The following AUTS2 variants were observed in gnomAD, a reference collection of about 807,000 sequenced individuals.
AUTS2 encodes the protein activator of transcription and developmental regulator AUTS2.
A neutral mutation model predicts 112.4 loss-of-function variants in AUTS2; 17 were observed. The observed-to-expected ratio is 0.15, with a 90% CI of 0.10 to 0.23. AUTS2 has a LOEUF of 0.23. AUTS2 is among the 10% of genes least tolerant of loss of function. The probability of loss-of-function intolerance (pLI) is 1.00; values close to 1 mark genes in which losing one functional copy is unlikely to be tolerated. For missense variants in AUTS2, 1,510 were observed against 1,701.6 expected (o/e 0.89, Z 1.98); for synonymous variants, 751 against 702.7 (o/e 1.07, Z -1.09).
chr7:70,372,589 A>G (rs1792886476), intron 4 of AUTS2, among the ~76,000 whole-genome samples: 1 of 151,988 alleles, frequency 6.6e-6, no homozygotes, highest in Non-Finnish European at 1.5e-5. Flanking sequence ...CCATCTGGCT[A>G]GCCGTCAGAT....
At chr7:70,513,296 G>A (rs1799276559) in intron 5 of AUTS2, among the ~76,000 whole-genome samples, 1 of 152,136 alleles carries the variant, frequency 6.6e-6, no homozygotes, top group South Asian at 2.1e-4. Flanking sequence ...AACCAAAGTG[G>A]CTATTTCTGA....
At chr7:70,026,405 G>T (rs971426735) in intron 2 of AUTS2, among the ~76,000 whole-genome samples, 2 of 152,130 alleles carry the variant, frequency 1.3e-5, no homozygotes, top group African/African-American at 4.8e-5. Flanking sequence ...CCTCTCTGGA[G>T]GTTGGCTCCT....
intron 4 of AUTS2, among the ~76,000 whole-genome samples, chr7:70,396,321 T>C (rs769672473): frequency 8.5e-5 from 13 of 152,198 alleles, no homozygotes; most frequent in Non-Finnish European, 1.6e-4. Flanking sequence ...TATATAACTG[T>C]AATCTTATAG....
intron 4 of AUTS2, among the ~76,000 whole-genome samples, chr7:70,221,355 TTTC>T (rs1240549925): frequency 6.6e-6 from 1 of 152,260 alleles, no homozygotes; most frequent in East Asian, 1.9e-4. Context: ...GCTTATAGTT[TTTC>T]TTCTTTTGGT....
chr7:70,120,400 G>C (rs1210795412), intron 3 of AUTS2: 1 of 152,132 alleles, frequency 6.6e-6, no homozygotes, highest in African/African-American at 2.4e-5. Context: ...CTGTGTGTAA[G>C]AATATGTTTT....
intron 2 of AUTS2, among the ~76,000 whole-genome samples, chr7:70,107,764 A>G (rs1346867745): frequency 6.6e-6 from 1 of 150,864 alleles, no homozygotes; most frequent in East Asian, 2.0e-4. Context: ...CTGTAATCCC[A>G]GCACTTTGGG....
chr7:70,711,512 A>G (rs1202540144), intron 6 of AUTS2, among the ~76,000 whole-genome samples: 1 of 152,166 alleles, frequency 6.6e-6, no homozygotes, highest in Non-Finnish European at 1.5e-5. Flanking sequence ...ACAAACAAAT[A>G]ATTGGGTGAA....
intron 4 of AUTS2, among the ~76,000 whole-genome samples, chr7:70,341,995 G>A (rs1392893882): frequency 6.6e-6 from 1 of 152,186 alleles, no homozygotes; most frequent in African/African-American, 2.4e-5. Context: ...CTGCCTCTCT[G>A]GAGGGCATGA....
intron 2 of AUTS2, among the ~76,000 whole-genome samples, chr7:70,029,451 A>G (rs1017099056): frequency 4.6e-5 from 7 of 151,880 alleles, no homozygotes; most frequent in African/African-American, 1.7e-4. Flanking sequence ...ATGGTATTTT[A>G]TTGAAACTTA....
At chr7:70,536,572 CTTTTTTTTTTTT>C (rs34639179) in intron 5 of AUTS2, among the ~76,000 whole-genome samples, 1 of 49,048 alleles carries the variant, frequency 2.0e-5, no homozygotes, top group African/African-American at 8.7e-5. Context: ...GAAGCCAAGG[CTTTTTTTTTTTT>C]TTTTTTTTTT....
At chr7:69,903,698 A>C (rs770641681) in intron 2 of AUTS2, among the ~76,000 whole-genome samples, 2 of 152,236 alleles carry the variant, frequency 1.3e-5, no homozygotes, top group African/African-American at 4.8e-5. Flanking sequence ...ATCTTAGGGC[A>C]GAATTTCCTA....
chr7:69,774,894 G>A (rs1788826477), intron 1 of AUTS2, among the ~76,000 whole-genome samples: 3 of 152,038 alleles, frequency 2.0e-5, no homozygotes, highest in Admixed American at 1.3e-4. Context: ...ATCTCCAGAG[G>A]AACCTAGGCT....
intron 1 of AUTS2, among the ~76,000 whole-genome samples, chr7:69,867,120 T>C (rs1793271321): frequency 6.6e-6 from 1 of 152,136 alleles, no homozygotes; most frequent in African/African-American, 2.4e-5. Flanking sequence ...GCAGTGAGAA[T>C]TGTGTAGACT....
chr7:70,069,718 T>TC (rs1188840587), intron 2 of AUTS2, among the ~76,000 whole-genome samples: 11 of 151,480 alleles, frequency 7.3e-5, no homozygotes, highest in African/African-American at 2.2e-4. Context: ...GTTTTTTTTT[T>TC]TTTCCTGTCC....
chr7:69,731,378 A>C (rs1786784067), intron 1 of AUTS2, among the ~76,000 whole-genome samples: 1 of 152,146 alleles, frequency 6.6e-6, no homozygotes, highest in Admixed American at 6.5e-5. Context: ...CACTTAAGTG[A>C]TTTGGGGTGA....
chr7:70,169,936 T>G (rs1200721598), intron 4 of AUTS2, among the ~76,000 whole-genome samples: 1 of 152,136 alleles, frequency 6.6e-6, no homozygotes, highest in Non-Finnish European at 1.5e-5. Context: ...ATTTGCTGCT[T>G]AATTTTGTAA....
At chr7:70,268,116 G>A (rs922104650) in intron 4 of AUTS2, among the ~76,000 whole-genome samples, 1 of 152,148 alleles carries the variant, frequency 6.6e-6, no homozygotes, top group African/African-American at 2.4e-5. Context: ...AAGATACTGT[G>A]TTTCGTTACC....
At chr7:70,756,663 A>G (rs1362812208) in intron 6 of AUTS2, among the ~76,000 whole-genome samples, 1 of 151,958 alleles carries the variant, frequency 6.6e-6, no homozygotes, top group Non-Finnish European at 1.5e-5. Context: ...TGGTATCTAA[A>G]TACTTCTACT....
At chr7:70,161,845 C>A (rs977442432) in intron 4 of AUTS2, among the ~76,000 whole-genome samples, 8 of 152,142 alleles carry the variant, frequency 5.3e-5, no homozygotes, top group African/African-American at 1.9e-4. Flanking sequence ...TAATTTTTTA[C>A]AAACTTTTCT....
Sources: allele counts gnomAD v4.1 joint callset (sites outside exome capture counted in the v4.1 genomes callset), GRCh38; gene constraint gnomAD v4.1.1; transcripts MANE v1.5; gene names NCBI Gene and HGNC (gene_info 2026-07-23, HGNC 2026-07-21).